Variants in FHIT observed in about 807,000 individuals in gnomAD.
The protein encoded by FHIT is bis(5'-adenosyl)-triphosphatase.
Under a neutral mutation model 17.9 loss-of-function variants are expected in FHIT, and 19 were observed. The ratio of observed to expected loss-of-function variants is 1.06; its 90% CI spans 0.74 to 1.56. The LOEUF (loss-of-function observed/expected upper bound fraction) is 1.56, where lower values mean the gene tolerates loss of function less well. FHIT is among the 40% of genes most tolerant of loss of function. The pLI, the probability that FHIT is intolerant of heterozygous loss-of-function variation, is 0.00. For missense variants in FHIT, 248 were observed against 189.2 expected, an observed-to-expected ratio of 1.31 and a Z score of -1.82; for synonymous variants, 81 against 69.7, an observed-to-expected ratio of 1.16 and a Z score of -0.81.
At chr3:60,799,888 C>T (rs1027318624) in intron 4 of FHIT, among the ~76,000 whole-genome samples, 1 of 152,078 alleles carries the variant, frequency 6.6e-6, no homozygotes, top group East Asian at 1.9e-4. Flanking sequence ...CTTTGAGAGC[C>T]AGGATAATTT....
chr3:61,187,060 C>T (rs1463060657), intron 2 of FHIT, among the ~76,000 whole-genome samples: 1 of 152,176 alleles, frequency 6.6e-6, no homozygotes, highest in African/African-American at 2.4e-5. Flanking sequence ...GACCCATGTT[C>T]CTTGTACCTC....
At chr3:60,011,982 A>G (rs1176772990) in intron 6 of FHIT, among the ~76,000 whole-genome samples, 1 of 152,174 alleles carries the variant, frequency 6.6e-6, no homozygotes, top group African/African-American at 2.4e-5. Context: ...CAGCCATAAT[A>G]TAAAGCAAAA....
At chr3:61,004,479 G>C (rs1446554305) in intron 3 of FHIT, among the ~76,000 whole-genome samples, 1 of 152,146 alleles carries the variant, frequency 6.6e-6, no homozygotes, top group Admixed American at 6.5e-5. Flanking sequence ...AAAACCATAA[G>C]GGACATTCAA....
intron 5 of FHIT, among the ~76,000 whole-genome samples, chr3:60,309,007 C>T (rs1368281160): frequency 6.6e-6 from 1 of 152,110 alleles, no homozygotes; most frequent in Non-Finnish European, 1.5e-5. Context: ...TTTAAGATAT[C>T]CACTTTCTAG....
chr3:60,679,331 G>T (rs150502112), intron 4 of FHIT, among the ~76,000 whole-genome samples: 89 of 152,268 alleles, frequency 5.8e-4, no homozygotes, highest in Non-Finnish European at 1.1e-3. Flanking sequence ...TATGATTGTA[G>T]AAGTCATGTC....
chr3:61,209,104 G>GT (rs2039358982), intron 1 of FHIT, among the ~76,000 whole-genome samples: 1 of 151,676 alleles, frequency 6.6e-6, no homozygotes, highest in African/African-American at 2.4e-5. Context: ...ATGAAATGCT[G>GT]GGTTGAAAAT....
intron 5 of FHIT, among the ~76,000 whole-genome samples, chr3:60,302,794 T>C (rs1708504866): frequency 6.6e-6 from 1 of 152,148 alleles, no homozygotes. Context: ...AAATTCCATC[T>C]AATTGAAAAC....
chr3:60,120,363 A>G (rs571820472), intron 5 of FHIT, among the ~76,000 whole-genome samples: 11 of 152,368 alleles, frequency 7.2e-5, no homozygotes, highest in Middle Eastern at 3.4e-3. Flanking sequence ...AGGCAGGGTT[A>G]AAGATATTAT....
intron 3 of FHIT, among the ~76,000 whole-genome samples, chr3:61,014,807 A>AATATATATATAT (rs1553798840): frequency 0.032 from 1,543 of 48,910 alleles, 46 homozygotes; most frequent in Non-Finnish European, 0.05. Context: ...AAAAAAAAAA[A>AATATATATATAT]ATATATATAT....
chr3:60,140,748 T>A (rs917052787), intron 5 of FHIT, among the ~76,000 whole-genome samples: 2 of 152,112 alleles, frequency 1.3e-5, no homozygotes, highest in African/African-American at 4.8e-5. Flanking sequence ...CCAGCTAATT[T>A]TGTATTTTTA....
At chr3:60,411,227 T>A (rs544599214) in intron 5 of FHIT, among the ~76,000 whole-genome samples, 17 of 152,328 alleles carry the variant, frequency 1.1e-4, no homozygotes, top group African/African-American at 3.4e-4. Flanking sequence ...TTAAATCTGA[T>A]GACTTGGGTC....
chr3:61,144,496 A>G (rs1410593398), intron 2 of FHIT, among the ~76,000 whole-genome samples: 1 of 152,214 alleles, frequency 6.6e-6, no homozygotes, highest in Non-Finnish European at 1.5e-5. Context: ...TAATGCTACT[A>G]TGAACATTCA....
intron 4 of FHIT, among the ~76,000 whole-genome samples, chr3:60,616,280 C>T (rs1344575448): frequency 6.6e-6 from 1 of 152,180 alleles, no homozygotes; most frequent in East Asian, 1.9e-4. Flanking sequence ...CAAATCTTCA[C>T]ATTTGAAAAT....
chr3:59,828,230 T>A (rs1234289423), intron 8 of FHIT, among the ~76,000 whole-genome samples: 1 of 152,216 alleles, frequency 6.6e-6, no homozygotes, highest in African/African-American at 2.4e-5. Flanking sequence ...TCATAGTTTT[T>A]AAAAAATAAT....
At chr3:60,184,045 TG>T (rs1702058896) in intron 5 of FHIT, among the ~76,000 whole-genome samples, 2 of 151,728 alleles carry the variant, frequency 1.3e-5, no homozygotes, top group African/African-American at 4.8e-5. Flanking sequence ...TGGAGTACAG[TG>T]ACGTGATCAG....
chr3:59,984,395 G>GA (rs138373635), intron 7 of FHIT, among the ~76,000 whole-genome samples: 1 of 129,798 alleles, frequency 7.7e-6, no homozygotes, highest in Non-Finnish European at 1.6e-5. Flanking sequence ...CAAATCCACT[G>GA]GGGGGGGCTC....
At chr3:60,119,110 G>A (rs1705127604) in intron 5 of FHIT, among the ~76,000 whole-genome samples, 1 of 151,852 alleles carries the variant, frequency 6.6e-6, no homozygotes, top group Admixed American at 6.6e-5. Context: ...GTCTCACTCT[G>A]TCATCCAGGC....
intron 5 of FHIT, among the ~76,000 whole-genome samples, chr3:60,383,128 C>T (rs1369217408): frequency 3.9e-5 from 6 of 152,118 alleles, no homozygotes; most frequent in Non-Finnish European, 7.4e-5. Flanking sequence ...AACAGAGCGA[C>T]AGAAATGTTT....
chr3:60,121,709 A>AAACAAACAC, intron 5 of FHIT, among the ~76,000 whole-genome samples: 1 of 116,418 alleles, frequency 8.6e-6, no homozygotes, highest in African/African-American at 3.4e-5. Flanking sequence ...AAACAAAACA[A>AAACAAACAC]ACACACACAC....
Sources: allele counts gnomAD v4.1 joint callset (sites outside exome capture counted in the v4.1 genomes callset), GRCh38; gene constraint gnomAD v4.1.1; transcripts MANE v1.5; gene names NCBI Gene and HGNC (gene_info 2026-07-23, HGNC 2026-07-21).